Variants in FMNL2 observed in about 807,000 individuals in gnomAD.
The protein encoded by FMNL2 is formin like 2.
Under a neutral mutation model 130.2 loss-of-function variants are expected in FMNL2, and 51 were observed. The ratio of observed to expected loss-of-function variants is 0.39; its 90% CI spans 0.31 to 0.49. The LOEUF (loss-of-function observed/expected upper bound fraction) is 0.49. FMNL2 is among the 20% of genes least tolerant of loss of function. The probability of loss-of-function intolerance (pLI) is 0.85; values close to 1 mark genes in which losing one functional copy is unlikely to be tolerated. For synonymous variants in FMNL2, 465 were observed against 467.1 expected (o/e 1.00, Z 0.06); for missense variants, 977 against 1,316.2 (o/e 0.74, Z 3.99).
At chr2:152,592,131 C>G (rs1360814374) in intron 9 of FMNL2, among the ~76,000 whole-genome samples, 2 of 152,058 alleles carry the variant, frequency 1.3e-5, no homozygotes, top group African/African-American at 4.8e-5. Flanking sequence ...CTCATGATTT[C>G]CGTGCCACAG....
At chr2:152,639,281 G>A (rs1268447968) in intron 23 of FMNL2, among the ~76,000 whole-genome samples, 1 of 152,220 alleles carries the variant, frequency 6.6e-6, no homozygotes, top group African/African-American at 2.4e-5. Context: ...ATAACAGCTG[G>A]GCTGGAGGAT....
At chr2:152,381,423 G>A (rs1684454624) in intron 1 of FMNL2, among the ~76,000 whole-genome samples, 1 of 152,200 alleles carries the variant, frequency 6.6e-6, no homozygotes, top group Non-Finnish European at 1.5e-5. Flanking sequence ...CTCCAGGGAT[G>A]CTAACTGTTG....
At chr2:152,638,489 C>T (rs1682808641) in intron 23 of FMNL2, among the ~76,000 whole-genome samples, 1 of 152,152 alleles carries the variant, frequency 6.6e-6, no homozygotes, top group Non-Finnish European at 1.5e-5. Context: ...AATAGGGGGA[C>T]ACTTCCCTAA....
chr2:152,375,999 T>A, intron 1 of FMNL2, among the ~76,000 whole-genome samples: 1 of 151,864 alleles, frequency 6.6e-6, no homozygotes. Context: ...GTTCAAGCGA[T>A]TCTCGTGCCT....
chr2:152,451,814 T>TC (rs1340596010), intron 1 of FMNL2, among the ~76,000 whole-genome samples: 1 of 152,162 alleles, frequency 6.6e-6, no homozygotes, highest in Non-Finnish European at 1.5e-5. Flanking sequence ...TCTACAGACT[T>TC]CAGTTTCGAT....
Position 152,565,442 on chromosome 2 carries a change from G to A in FMNL2, c.596+4407G>A, listed in dbSNP as rs73969125. Among the ~76,000 whole-genome samples the A allele has an allele frequency of 3.0e-4, 45 of 152,262 alleles. No homozygotes were observed. In the East Asian group the frequency reaches 6.2e-3, roughly 21 times the overall value. On this transcript the variant is annotated intron_variant, in intron 6 of 25. Transcript: ENST00000288670. ...GAAGAACCTGTCCTTTCAGGAACAG[G>A]TGCTTTGTGATGGAGGTGGAGAGCT...
At chr2:152,422,340 C>G (rs887728796) in intron 1 of FMNL2, among the ~76,000 whole-genome samples, 6 of 152,156 alleles carry the variant, frequency 3.9e-5, no homozygotes, top group African/African-American at 1.4e-4. Flanking sequence ...CCGTGATCAT[C>G]ATTGTCATGC....
intron 23 of FMNL2, 118 bp from the exon 24 acceptor site, chr2:152,639,840 A>G: frequency 8.0e-6 from 5 of 621,384 alleles, no homozygotes; most frequent in South Asian, 1.0e-4. Context: ...AGATCTTCTC[A>G]ACCTTCCATT....
At chr2:152,537,905 C>G (rs1008311633) in intron 2 of FMNL2, among the ~76,000 whole-genome samples, 2 of 152,094 alleles carry the variant, frequency 1.3e-5, no homozygotes, top group Non-Finnish European at 1.5e-5. Flanking sequence ...CACACACACA[C>G]ACAGTATATG....
intron 1 of FMNL2, among the ~76,000 whole-genome samples, chr2:152,385,555 A>G (rs1294829470): frequency 1.3e-5 from 2 of 152,226 alleles, no homozygotes; most frequent in African/African-American, 2.4e-5. Flanking sequence ...AGATGGTCAT[A>G]TAATGCTCAC....
intron 1 of FMNL2, among the ~76,000 whole-genome samples, chr2:152,448,614 CCTT>C (rs1177989155): frequency 6.6e-6 from 1 of 152,104 alleles, no homozygotes; most frequent in Non-Finnish European, 1.5e-5. Flanking sequence ...TAAAAGGAAA[CCTT>C]CTGTAAATTG....
chr2:152,508,612 A>G (rs907271653), intron 1 of FMNL2, among the ~76,000 whole-genome samples: 3 of 152,222 alleles, frequency 2.0e-5, no homozygotes, highest in African/African-American at 7.2e-5. Context: ...GTAAGAATGC[A>G]AAGATTGAAT....
At chr2:152,474,250 C>G (rs768915997) in intron 1 of FMNL2, among the ~76,000 whole-genome samples, 1 of 152,192 alleles carries the variant, frequency 6.6e-6, no homozygotes, top group African/African-American at 2.4e-5. Flanking sequence ...TCATCCTGTT[C>G]CTGTGACACT....
intron 9 of FMNL2, among the ~76,000 whole-genome samples, chr2:152,592,117 A>T (rs1008207692): frequency 3.3e-5 from 5 of 152,174 alleles, no homozygotes; most frequent in African/African-American, 1.2e-4. Context: ...AAAAGAAAAG[A>T]TAACTCATGA....
chr2:152,353,433 C>T (rs192742188), intron 1 of FMNL2, among the ~76,000 whole-genome samples: 9 of 152,260 alleles, frequency 5.9e-5, no homozygotes, highest in Admixed American at 5.2e-4. Flanking sequence ...CAAAGGCAGT[C>T]GACTCTAAGC....
At chr2:152,414,508 A>G (rs75127498) in intron 1 of FMNL2, among the ~76,000 whole-genome samples, 2,142 of 152,286 alleles carry the variant, frequency 0.014, 20 homozygotes, top group South Asian at 0.051. Context: ...TAGAATAAAG[A>G]TGGAAGCTTT....
chr2:152,416,213 G>A (rs564041974), intron 1 of FMNL2, among the ~76,000 whole-genome samples: 8 of 152,296 alleles, frequency 5.3e-5, no homozygotes, highest in African/African-American at 1.9e-4. Context: ...AGAGGCAGAA[G>A]TCTTCTCATC....
At chr2:152,403,236 A>AC (rs1287401752) in intron 1 of FMNL2, among the ~76,000 whole-genome samples, 4 of 149,810 alleles carry the variant, frequency 2.7e-5, no homozygotes, top group Non-Finnish European at 4.4e-5. Context: ...AAAAAAAAAA[A>AC]CCCACAAAAC....
intron 1 of FMNL2, among the ~76,000 whole-genome samples, chr2:152,433,493 T>C (rs1020460608): frequency 6.6e-6 from 1 of 152,186 alleles, no homozygotes; most frequent in Non-Finnish European, 1.5e-5. Context: ...CACTGGACTC[T>C]GGGTGAGCTT....
Sources: gnomAD v4.1 joint callset for allele counts (sites outside exome capture counted in the v4.1 genomes callset) on GRCh38, gnomAD v4.1.1 for gene constraint, MANE v1.5 for transcripts, NCBI Gene and HGNC (gene_info 2026-07-23, HGNC 2026-07-21) for gene names.